Variants in UBA6 observed in about 807,000 individuals in gnomAD.
The protein encoded by UBA6 is ubiquitin like modifier activating enzyme 6, also known as ubiquitin-like modifier-activating enzyme 6.
Under a neutral mutation model 148.3 loss-of-function variants are expected in UBA6, and 87 were observed. The observed-to-expected ratio is 0.59, with a 90% CI of 0.49 to 0.70. The LOEUF (loss-of-function observed/expected upper bound fraction) is 0.70. Among genes scored for constraint, UBA6 ranks in the 30% least tolerant of loss-of-function variants. The probability of loss-of-function intolerance (pLI) is 0.00; values close to 1 mark genes in which losing one functional copy is unlikely to be tolerated. For synonymous variants in UBA6, 376 were observed against 401.0 expected (o/e 0.94, Z 0.75); for missense variants, 1,186 against 1,241.2 (o/e 0.96, Z 0.67).
In UBA6 at chr4:67,665,211, T is replaced by C; in HGVS notation, c.875A>G (p.Lys292Arg). ...YLHGGIAVQV[K>R]TPKTVFFESL... ...TACAAAAAAAACTGTTTTAGGAGTC[T>C]TAACTTGGACAGCTATGCCTCCATG... The change falls in exon 10 of 33, where the codon AAG becomes AGG. Residue 292 changes from lysine to arginine, a missense_variant. By Grantham distance (26) the Lys-to-Arg change is conservative. Coordinates refer to ENST00000322244, the MANE Select transcript of UBA6 (RefSeq NM_018227.6). 1 of 1,596,568 alleles carries C rather than the reference T, an allele frequency of 6.3e-7. No individual in the cohort carries two copies. The highest frequency in any genetic ancestry group is 8.5e-7 in the Non-Finnish European group (1 of 1,174,378).
intron 2 of UBA6, among the ~76,000 whole-genome samples, chr4:67,692,246 C>T (rs1227034490): frequency 2.0e-5 from 3 of 152,150 alleles, no homozygotes; most frequent in Non-Finnish European, 4.4e-5. Flanking sequence ...CAATGAGTTT[C>T]TAGACGCCAT....
chr4:67,636,752 C>T (rs1729153113), intron 19 of UBA6, among the ~76,000 whole-genome samples: 1 of 152,232 alleles, frequency 6.6e-6, no homozygotes, highest in South Asian at 2.1e-4. Context: ...CAACCTCCAC[C>T]CCCCAGCCGC....
At chr4:67,696,834 TTTAC>T in intron 1 of UBA6, 127 bp from the exon 2 acceptor site, 1 of 651,086 alleles carries the variant, frequency 1.5e-6, no homozygotes, top group African/African-American at 1.8e-5. Flanking sequence ...TAACAACCAC[TTTAC>T]TTATATTTTT....
rs535831499 is a variant in UBA6, at chr4:67,612,820, T to C, written c.*6177A>G. 2 of 152,264 alleles carry C rather than the reference T, an allele frequency of 1.3e-5. No individual in the cohort carries two copies. Among genetic ancestry groups the C allele is most frequent in the South Asian group, 2.1e-4 (1 of 4,830 alleles). 9.4% of individuals were successfully genotyped at this position (152,264 alleles called of 1,614,324 possible). A position where few individuals can be genotyped will look rare whatever the true frequency, so the allele number is the denominator to read the frequency against. ...CTGGATAAAATATACTTTTCAAAGA[T>C]GTAGGAAGGCAGCAGGGAGCTGATA... On this transcript the variant is annotated 3_prime_UTR_variant, in exon 33 of 33. Transcript: ENST00000322244.
At chr4:67,685,386 G>A (rs1396726281) in intron 2 of UBA6, among the ~76,000 whole-genome samples, 2 of 152,100 alleles carry the variant, frequency 1.3e-5, no homozygotes, top group Admixed American at 1.3e-4. Context: ...TTAGTCACAA[G>A]GCATTCATGA....
At chr4:67,692,470 G>A (rs952182803) in intron 2 of UBA6, among the ~76,000 whole-genome samples, 1 of 152,144 alleles carries the variant, frequency 6.6e-6, no homozygotes, top group African/African-American at 2.4e-5. Flanking sequence ...ATATAAAGCT[G>A]CTAACCCCTG....
intron 32 of UBA6, among the ~76,000 whole-genome samples, chr4:67,620,421 T>A (rs1238360475): frequency 3.3e-5 from 5 of 152,276 alleles, no homozygotes; most frequent in African/African-American, 1.2e-4. Context: ...AAAATTTTCA[T>A]TATCACAGTT....
intron 13 of UBA6, among the ~76,000 whole-genome samples, chr4:67,660,045 C>T (rs542586669): frequency 7.1e-4 from 108 of 152,204 alleles, no homozygotes; most frequent in African/African-American, 2.5e-3. Context: ...AGCAGCAAAG[C>T]ATTCAAGGGG....
At chr4:67,674,057 T>C (rs780788836) in intron 6 of UBA6, among the ~76,000 whole-genome samples, 106 of 152,236 alleles carry the variant, frequency 7.0e-4, no homozygotes, top group Non-Finnish European at 1.4e-3. Flanking sequence ...CTATGCAGTA[T>C]TTATGGACTC....
chr4:67,624,355 A>C, intron 29 of UBA6, 102 bp from the exon 30 acceptor site: 1 of 1,119,740 alleles, frequency 8.9e-7, no homozygotes, highest in Non-Finnish European at 1.3e-6. Flanking sequence ...TTCTCTGTGG[A>C]TAGTAAAAGC....
At chr4:67,659,732 T>C (rs188043236) in intron 13 of UBA6, among the ~76,000 whole-genome samples, 50 of 96,674 alleles carry the variant, frequency 5.2e-4, no homozygotes, top group African/African-American at 1.7e-3. Context: ...CCCAAAAGTG[T>C]GGAAGTGACT....
At chr4:67,698,635 G>C (rs1343154496) in intron 1 of UBA6, among the ~76,000 whole-genome samples, 2 of 152,096 alleles carry the variant, frequency 1.3e-5, no homozygotes, top group African/African-American at 2.4e-5. Flanking sequence ...TACTGTTTCT[G>C]ATATTAGACA....
At position 67,662,216 on chromosome 4, in the gene UBA6, T is replaced by A; in HGVS notation, c.1077A>T (p.Thr359=). ...QDSEELLKLA[T]SISETLEEKP... is the part of the protein sequence containing the mutation. ...TCTCTTCCAAGGTTTCACTTATAGA[T>A]GTTGCTAGTTTCAACAGTTCTTCTG... is the stretch of plus-strand genomic sequence containing the variant. The change falls in exon 13 of 33, where the codon ACA becomes ACT. Residue 359 remains threonine (T), a synonymous_variant. Coordinates refer to ENST00000322244, the MANE Select transcript of UBA6 (RefSeq NM_018227.6). The A allele has an allele frequency of 1.2e-6, 2 of 1,613,736 alleles. No individual in the cohort carries two copies. The highest frequency in any genetic ancestry group is 1.7e-6 in the Non-Finnish European group (2 of 1,179,854).
At chr4:67,637,582 T>G (rs1729193504) in intron 19 of UBA6, among the ~76,000 whole-genome samples, 1 of 149,740 alleles carries the variant, frequency 6.7e-6, no homozygotes, top group Admixed American at 6.7e-5. Context: ...CATTTTGTTC[T>G]GTACTAAGAA....
chr4:67,655,188 G>T (rs948068854), intron 13 of UBA6, among the ~76,000 whole-genome samples: 1 of 152,168 alleles, frequency 6.6e-6, no homozygotes, highest in Non-Finnish European at 1.5e-5. Flanking sequence ...GCACCAAGTG[G>T]ACCTAATAGA....
intron 8 of UBA6, among the ~76,000 whole-genome samples, 172 bp from the exon 9 acceptor site, chr4:67,668,846 A>T (rs1255197051): frequency 2.0e-5 from 3 of 152,230 alleles, no homozygotes; most frequent in Non-Finnish European, 4.4e-5. Flanking sequence ...CAAAATAATG[A>T]TCAAATTATT....
intron 32 of UBA6, among the ~76,000 whole-genome samples, chr4:67,620,299 G>A (rs1728723804): frequency 6.6e-6 from 1 of 152,228 alleles, no homozygotes; most frequent in South Asian, 2.1e-4. Flanking sequence ...TTGTATGTAT[G>A]CTCTTTTTAG....
chr4:67,646,794 T>TA lies in UBA6; in HGVS notation c.1249-4dup, dbSNP rs776477239. ...ATATCTGCTGCTTCAAGATATAACTTAAAGTAGAAGATTAAAAACACAATT... is the reference window on the plus strand; with the variant it reads ...ATATCTGCTGCTTCAAGATATAACTTAAAAGTAGAAGATTAAAAACACAATT... On this transcript the variant is annotated splice_region_variant and splice_polypyrimidine_tract_variant and intron_variant, in intron 14 of 32. Coordinates refer to ENST00000322244, the MANE Select transcript of UBA6 (RefSeq NM_018227.6). The TA allele has an allele frequency of 2.5e-6, 4 of 1,588,926 alleles. No homozygotes were observed. Among genetic ancestry groups the TA allele is most frequent in the Non-Finnish European group, 3.4e-6 (4 of 1,166,540 alleles).
chr4:67,682,532 A>T lies in UBA6; in HGVS notation c.135-319T>A, dbSNP rs542281224. On this transcript the variant is annotated intron_variant, in intron 2 of 32. Coordinates refer to ENST00000322244, the MANE Select transcript of UBA6 (RefSeq NM_018227.6). ...CAATTCCTTCCTGTTCCTCTCATTT[A>T]TTACCTCAGTGGCCACTATAAGCAT... Among the ~76,000 whole-genome samples the T allele has an allele frequency of 3.9e-5, 6 of 152,218 alleles. No homozygotes were observed. The South Asian group carries it at 1.2e-3, about 32-fold the overall frequency.
Sources: gnomAD v4.1 joint callset for allele counts (sites outside exome capture counted in the v4.1 genomes callset) on GRCh38, gnomAD v4.1.1 for gene constraint, MANE v1.5 for transcripts, NCBI Gene and HGNC (gene_info 2026-07-23, HGNC 2026-07-21) for gene names.